Variants in CSMD1 observed in about 807,000 individuals in gnomAD.
CSMD1 encodes the protein CUB and Sushi multiple domains 1.
Under a neutral mutation model 417.5 loss-of-function variants are expected in CSMD1, and 213 were observed. The observed-to-expected ratio is 0.51, with a 90% confidence interval of 0.46 to 0.57. The LOEUF is 0.57. Ranked by LOEUF, CSMD1 falls within the 20% of genes least tolerant of loss-of-function variation. The pLI is 0.00. For missense variants in CSMD1, 6,923 were observed against 4,529.7 expected, an observed-to-expected ratio of 1.53 and a Z score of -15.17; for synonymous variants, 2,862 against 1,736.8, an observed-to-expected ratio of 1.65 and a Z score of -16.11.
intron 18 of CSMD1, 32 bp downstream of exon 18, chr8:3,387,462 G>A (rs1331223810): frequency 6.4e-7 from 1 of 1,555,340 alleles, no homozygotes. Flanking sequence ...TGCACACCCT[G>A]CTGGTGCATT....
intron 2 of CSMD1, among the ~76,000 whole-genome samples, chr8:4,458,363 AAATT>A: frequency 1.3e-5 from 2 of 152,272 alleles, no homozygotes; most frequent in African/African-American, 4.8e-5. Context: ...CATAATAATG[AAATT>A]AATTTATAAA....
intron 2 of CSMD1, among the ~76,000 whole-genome samples, chr8:4,584,214 G>A (rs1052890880): frequency 5.3e-5 from 8 of 152,012 alleles, no homozygotes; most frequent in Admixed American, 2.0e-4. Flanking sequence ...AAGCTAGTGA[G>A]ACCAAGAACC....
intron 12 of CSMD1, among the ~76,000 whole-genome samples, chr8:3,460,239 G>A (rs537266025): frequency 3.7e-4 from 57 of 152,252 alleles, no homozygotes; most frequent in Middle Eastern, 3.4e-3. Flanking sequence ...TCTACATGGT[G>A]AGTCCATAGA....
intron 2 of CSMD1, among the ~76,000 whole-genome samples, chr8:4,585,138 G>A (rs1799635724): frequency 6.6e-6 from 1 of 151,218 alleles, no homozygotes; most frequent in East Asian, 1.9e-4. Flanking sequence ...CTAACAGGAA[G>A]TGTAGATATT....
intron 3 of CSMD1, among the ~76,000 whole-genome samples, chr8:4,109,302 A>AT (rs891684955): frequency 5.9e-4 from 89 of 151,872 alleles, no homozygotes; most frequent in Non-Finnish European, 2.1e-4. Flanking sequence ...GAGCAGCTGT[A>AT]TTTTTTTTCT....
At chr8:3,760,533 C>T (rs566224329) in intron 5 of CSMD1, among the ~76,000 whole-genome samples, 1 of 152,302 alleles carries the variant, frequency 6.6e-6, no homozygotes, top group East Asian at 1.9e-4. Context: ...CCCTCAGCCT[C>T]ACTTTTCTCC....
At chr8:3,774,567 T>C (rs1272091608) in intron 5 of CSMD1, among the ~76,000 whole-genome samples, 5 of 152,154 alleles carry the variant, frequency 3.3e-5, no homozygotes, top group Non-Finnish European at 7.4e-5. Context: ...GGACAGAACG[T>C]CATGTCTTCC....
chr8:4,958,086 T>C (rs1585407431), intron 1 of CSMD1, among the ~76,000 whole-genome samples: 2 of 152,338 alleles, frequency 1.3e-5, no homozygotes, highest in Non-Finnish European at 1.5e-5. Context: ...TGAGTGTTCA[T>C]AATCCATAAA....
chr8:4,104,784 G>A (rs1404639427), intron 3 of CSMD1, among the ~76,000 whole-genome samples: 3 of 152,300 alleles, frequency 2.0e-5, no homozygotes, highest in Admixed American at 6.5e-5. Context: ...AGGAACTGCT[G>A]GCTATTTGCT....
chr8:3,212,817 T>A (rs914943978), intron 30 of CSMD1, among the ~76,000 whole-genome samples: 2 of 145,236 alleles, frequency 1.4e-5, no homozygotes, highest in African/African-American at 5.1e-5. Flanking sequence ...TGTTTGATTT[T>A]AGTTTCTTAT....
At chr8:4,121,620 T>TC (rs1802492432) in intron 3 of CSMD1, among the ~76,000 whole-genome samples, 1 of 144,074 alleles carries the variant, frequency 6.9e-6, no homozygotes, top group African/African-American at 2.6e-5. Flanking sequence ...ACACCTAGTT[T>TC]AAAAAAAAAA....
intron 3 of CSMD1, among the ~76,000 whole-genome samples, chr8:4,322,927 G>C (rs993790682): frequency 3.9e-5 from 6 of 152,220 alleles, no homozygotes; most frequent in Admixed American, 1.3e-4. Context: ...GGAGGTTGCA[G>C]TGAGCCTAGA....
intron 1 of CSMD1, among the ~76,000 whole-genome samples, chr8:4,908,490 G>GTACC (rs1805449293): frequency 2.0e-5 from 3 of 151,938 alleles, no homozygotes; most frequent in Admixed American, 2.0e-4. Flanking sequence ...ATTTTACGGT[G>GTACC]TACCTTTTGA....
At chr8:4,167,922 G>C (rs940750993) in intron 3 of CSMD1, among the ~76,000 whole-genome samples, 2 of 152,006 alleles carry the variant, frequency 1.3e-5, no homozygotes, top group Non-Finnish European at 2.9e-5. Flanking sequence ...GAGGTCAGGA[G>C]TTCAAGACCA....
chr8:3,028,506 T>C (rs1469719661), intron 51 of CSMD1, among the ~76,000 whole-genome samples: 1 of 152,322 alleles, frequency 6.6e-6, no homozygotes, highest in Non-Finnish European at 1.5e-5. Flanking sequence ...CCATGTTCAT[T>C]ACGATTATGA....
chr8:4,838,350 G>A (rs1268295147), intron 1 of CSMD1, among the ~76,000 whole-genome samples: 1 of 152,156 alleles, frequency 6.6e-6, no homozygotes, highest in African/African-American at 2.4e-5. Flanking sequence ...TTGCCTCAAA[G>A]ACTATGCAAT....
chr8:3,770,538 A>T (rs1798511611), intron 5 of CSMD1, among the ~76,000 whole-genome samples: 1 of 152,186 alleles, frequency 6.6e-6, no homozygotes, highest in African/African-American at 2.4e-5. Flanking sequence ...CAAAAAATAA[A>T]TAAATAAAAA....
intron 4 of CSMD1, among the ~76,000 whole-genome samples, chr8:4,017,636 G>C (rs940424284): frequency 3.3e-5 from 5 of 152,198 alleles, no homozygotes; most frequent in South Asian, 2.1e-4. Flanking sequence ...AAATTGTGTA[G>C]AAAATATTAG....
At chr8:4,558,285 C>A (rs913844335) in intron 2 of CSMD1, among the ~76,000 whole-genome samples, 1 of 152,154 alleles carries the variant, frequency 6.6e-6, no homozygotes. Context: ...ACAGAATATA[C>A]ACTTTTGGAA....
Sources: allele counts gnomAD v4.1 joint callset (sites outside exome capture counted in the v4.1 genomes callset), GRCh38; gene constraint gnomAD v4.1.1; transcripts MANE v1.5; gene names NCBI Gene and HGNC (gene_info 2026-07-23, HGNC 2026-07-21).